The following TANC2 variants were observed in gnomAD, a reference collection of about 807,000 sequenced individuals.
TANC2 encodes the protein protein TANC2.
Under a neutral mutation model 210.5 loss-of-function variants are expected in TANC2, and 26 were observed. The observed-to-expected ratio is 0.12, with a 90% confidence interval of 0.09 to 0.17. TANC2 has a LOEUF of 0.17. TANC2 is among the 10% of genes least tolerant of loss of function. The probability of loss-of-function intolerance (pLI) is 1.00; values close to 1 mark genes in which losing one functional copy is unlikely to be tolerated. For synonymous variants in TANC2, 931 were observed against 967.1 expected, an observed-to-expected ratio of 0.96 and a Z score of 0.69; for missense variants, 2,129 against 2,608.9, an observed-to-expected ratio of 0.82 and a Z score of 4.01.
At chr17:63,130,249 C>G in intron 4 of TANC2, among the ~76,000 whole-genome samples, 1 of 152,162 alleles carries the variant, frequency 6.6e-6, no homozygotes, top group East Asian at 1.9e-4. Context: ...TGGCTCACAC[C>G]TGTAATCCCA....
intron 14 of TANC2, among the ~76,000 whole-genome samples, chr17:63,361,344 C>T (rs1208353691): frequency 6.6e-6 from 1 of 152,212 alleles, no homozygotes; most frequent in East Asian, 1.9e-4. Context: ...AGATCCCACA[C>T]CTCCCAAGGG....
chr17:63,147,801 T>A (rs2039514447), intron 4 of TANC2, among the ~76,000 whole-genome samples: 1 of 152,234 alleles, frequency 6.6e-6, no homozygotes, highest in Admixed American at 6.5e-5. Context: ...TTGTATTTTC[T>A]TCAACATGAT....
intron 9 of TANC2, among the ~76,000 whole-genome samples, chr17:63,308,379 G>C (rs1292381519): frequency 6.6e-6 from 1 of 151,952 alleles, no homozygotes; most frequent in African/African-American, 2.4e-5. Flanking sequence ...CACATTTTCT[G>C]GGACTATTAT....
chr17:63,009,716 A>C, intron 2 of TANC2, 90 bp downstream of exon 2: 1 of 1,074,394 alleles, frequency 9.3e-7, no homozygotes, highest in Non-Finnish European at 1.4e-6. Context: ...CACTTTATTA[A>C]TGCTTAACTT....
chr17:63,112,956 G>A (rs993723549), intron 4 of TANC2, among the ~76,000 whole-genome samples: 1 of 152,116 alleles, frequency 6.6e-6, no homozygotes, highest in African/African-American at 2.4e-5. Context: ...TCCCTAGGAA[G>A]TCTAATTTTT....
chr17:63,237,683 A>T (rs1357830551), intron 7 of TANC2, 131 bp from the exon 8 acceptor site: 12 of 882,476 alleles, frequency 1.4e-5, no homozygotes, highest in Non-Finnish European at 1.8e-5. Context: ...GCATATGGCA[A>T]TCCAGTTTTT....
intron 3 of TANC2, among the ~76,000 whole-genome samples, chr17:63,081,491 T>C (rs75831492): frequency 0.029 from 4,485 of 152,294 alleles, 83 homozygotes; most frequent in South Asian, 0.037. Flanking sequence ...TAAACCAGTT[T>C]GAAGGTTTTT....
rs1321722081 is a variant in TANC2 at position 63,032,676 on chromosome 17, A to G, written c.67+23050A>G. 2.0e-5 allele frequency among the ~76,000 whole-genome samples: 3 copies of G among 152,206 alleles called. No individual in the cohort carries two copies. In the East Asian group the frequency reaches 5.8e-4, roughly 29 times the overall value. ...TACTTATCAAGTGCTTGCTAGAGCT[A>G]CTGGAGATACAGCAGTGCTATATAT... On this transcript the variant is annotated intron_variant, in intron 2 of 27. Coordinates refer to ENST00000689528, the Ensembl canonical transcript of TANC2.
intron 1 of TANC2, among the ~76,000 whole-genome samples, chr17:63,000,953 AAG>A (rs1191071923): frequency 7.0e-6 from 1 of 143,138 alleles, no homozygotes; most frequent in African/African-American, 2.7e-5. Context: ...GTAATTAAAA[AAG>A]TTTTAGAACT....
chr17:63,361,934 A>G (rs2046969916), intron 14 of TANC2, among the ~76,000 whole-genome samples: 1 of 152,262 alleles, frequency 6.6e-6, no homozygotes, highest in East Asian at 1.9e-4. Flanking sequence ...TGGATTGAGT[A>G]GCTCCTATGC....
chr17:63,176,660 G>T (rs890135623), intron 5 of TANC2, among the ~76,000 whole-genome samples: 1 of 151,964 alleles, frequency 6.6e-6, no homozygotes, highest in Non-Finnish European at 1.5e-5. Context: ...CAAAAAATTA[G>T]CCGGGTGTGG....
At chr17:63,053,258 G>T (rs905845339) in intron 2 of TANC2, among the ~76,000 whole-genome samples, 1 of 152,146 alleles carries the variant, frequency 6.6e-6, no homozygotes, top group Non-Finnish European at 1.5e-5. Context: ...ACCTTTTCCG[G>T]AAGTTCTTTC....
At chr17:63,074,352 A>C (rs2036502344) in intron 3 of TANC2, among the ~76,000 whole-genome samples, 1 of 152,094 alleles carries the variant, frequency 6.6e-6, no homozygotes, top group Admixed American at 6.6e-5. Context: ...TGGCTTTTTA[A>C]ATTTCATCAA....
At chr17:63,220,628 C>T (rs1164486234) in intron 7 of TANC2, among the ~76,000 whole-genome samples, 4 of 149,098 alleles carry the variant, frequency 2.7e-5, no homozygotes, top group Admixed American at 6.7e-5. Context: ...TGCTTCAACC[C>T]GTGAGGCGGA....
chr17:63,288,615 G>C (rs1236210540), intron 9 of TANC2, among the ~76,000 whole-genome samples: 2 of 152,042 alleles, frequency 1.3e-5, no homozygotes, highest in Non-Finnish European at 2.9e-5. Flanking sequence ...CTGTTAAAAG[G>C]ATGTTGAAAT....
chr17:62,983,722 G>T (rs765115453), intron 1 of TANC2, among the ~76,000 whole-genome samples: 4 of 152,070 alleles, frequency 2.6e-5, no homozygotes, highest in Non-Finnish European at 5.9e-5. Flanking sequence ...CTGTTGAGAT[G>T]ATTGTATGGT....
chr17:63,362,431 G>C (rs1018237560), intron 14 of TANC2, among the ~76,000 whole-genome samples: 4 of 152,160 alleles, frequency 2.6e-5, no homozygotes, highest in Non-Finnish European at 4.4e-5. Flanking sequence ...GGGCTTCACT[G>C]GGGACCCACT....
At chr17:63,070,640 C>T (rs975126800) in intron 2 of TANC2, among the ~76,000 whole-genome samples, 2 of 151,812 alleles carry the variant, frequency 1.3e-5, no homozygotes, top group African/African-American at 4.8e-5. Flanking sequence ...GGCCCATAAT[C>T]TAAGAATGGT....
rs946686661 is a variant in TANC2 at position 62,996,537 on chromosome 17, C to T, written c.-23-13000C>T. 1.1e-4 allele frequency among the ~76,000 whole-genome samples: 16 copies of T among 152,048 alleles called. 1 individual carries two copies. The highest frequency in any genetic ancestry group is 3.9e-4 in the African/African-American group (16 of 41,388). ...TAACCATGAAGCATCCTTGGAGTCT[C>T]CCTGAATCTGGTGTGATTCTGGGAG... On this transcript the variant is annotated intron_variant, in intron 1 of 27. Coordinates refer to ENST00000689528, the Ensembl canonical transcript of TANC2.
Sources: allele counts gnomAD v4.1 joint callset (sites outside exome capture counted in the v4.1 genomes callset), GRCh38; gene constraint gnomAD v4.1.1; transcripts MANE v1.5; gene names NCBI Gene and HGNC (gene_info 2026-07-23, HGNC 2026-07-21).